Variants in ACER1 observed in about 807,000 individuals in gnomAD.
The protein encoded by ACER1 is CTB-180A7.3.
ACER1 carries 28 observed loss-of-function variants against 24.9 expected under a neutral mutation model. The observed-to-expected ratio is 1.13, with a 90% confidence interval of 0.83 to 1.54. ACER1 has a LOEUF of 1.54. ACER1 is among the 40% of genes most tolerant of loss of function. The pLI is 0.00. For synonymous variants in ACER1, 132 were observed against 131.4 expected (o/e 1.00, Z -0.03); for missense variants, 352 against 349.3 (o/e 1.01, Z -0.06).
At chr19:6,338,973 G>A in the ACER1 span, among the ~76,000 whole-genome samples, 3 of 151,672 alleles carry the variant, frequency 2.0e-5, no homozygotes, top group African/African-American at 4.8e-5. Context: ...CGCCTCCTGG[G>A]TTCAAATGAT....
Position 6,306,607 on chromosome 19 carries a change from G to C in ACER1, c.*107C>G. On this transcript the variant is annotated 3_prime_UTR_variant, in exon 6 of 6. Transcript: ENST00000301452. ...CAAGGAGGACACGGAAGGGGAAACA[G>C]AGGAAGGAACCACGAGTGTCCCGCA... The C allele has an allele frequency of 7.4e-7, 1 of 1,353,556 alleles. No individual in the cohort carries two copies. The highest frequency in any genetic ancestry group is 2.4e-5 in the Admixed American group (1 of 41,640). The allele number at this position is 1,353,556 out of a possible 1,614,324, so 83.8% of individuals were successfully genotyped here.
At chr19:6,336,819 C>CAAAAAAAA (rs57500077), upstream of ACER1, among the ~76,000 whole-genome samples, 1 of 67,762 alleles carries the variant, frequency 1.5e-5, no homozygotes. Context: ...GACCCCGACT[C>CAAAAAAAA]AAAAAAAAAA....
upstream of ACER1, among the ~76,000 whole-genome samples, chr19:6,334,052 GT>G (rs112838660): frequency 0.08 from 11,531 of 143,874 alleles, 573 homozygotes; most frequent in Middle Eastern, 0.14. Flanking sequence ...CTAGCTAATT[GT>G]TTTTTTTTTT....
intron 1 of ACER1, among the ~76,000 whole-genome samples, chr19:6,314,021 C>T (rs2091592700): frequency 6.6e-6 from 1 of 152,060 alleles, no homozygotes; most frequent in African/African-American, 2.4e-5. Flanking sequence ...AATCCCAGCA[C>T]TTTGGGAGGC....
intron 1 of ACER1, among the ~76,000 whole-genome samples, chr19:6,325,683 T>C (rs1233798247): frequency 6.6e-6 from 1 of 151,918 alleles, no homozygotes; most frequent in Admixed American, 6.6e-5. Context: ...GACCTTTACA[T>C]ATGCTATTCC....
the ACER1 span, among the ~76,000 whole-genome samples, chr19:6,356,634 A>G: frequency 1.3e-5 from 2 of 152,098 alleles, no homozygotes; most frequent in South Asian, 2.1e-4. Flanking sequence ...GCTTTTCTTC[A>G]TAATTTTACC....
chr19:6,327,214 T>G (rs1378161725), intron 1 of ACER1, among the ~76,000 whole-genome samples: 1 of 152,152 alleles, frequency 6.6e-6, no homozygotes, highest in East Asian at 1.9e-4. Context: ...GCAGATCGCC[T>G]GAGGTCAGGA....
At chr19:6,319,309 G>C (rs2091618943) in intron 1 of ACER1, among the ~76,000 whole-genome samples, 1 of 152,032 alleles carries the variant, frequency 6.6e-6, no homozygotes, top group Non-Finnish European at 1.5e-5. Flanking sequence ...TGGATGCCAG[G>C]GTCTCCCTCC....
chr19:6,332,407 A>G (rs2091692300), intron 1 of ACER1, among the ~76,000 whole-genome samples: 1 of 151,024 alleles, frequency 6.6e-6, no homozygotes, highest in African/African-American at 2.4e-5. Context: ...AGTAGCTGGA[A>G]CTACAAGCAC....
the ACER1 span, among the ~76,000 whole-genome samples, chr19:6,346,344 G>A: frequency 6.6e-6 from 1 of 151,802 alleles, no homozygotes. Flanking sequence ...TCATTAAGTG[G>A]CATTATGTCA....
chr19:6,347,400 T>C, the ACER1 span, among the ~76,000 whole-genome samples: 689 of 151,782 alleles, frequency 4.5e-3, 5 homozygotes, highest in African/African-American at 0.016. Context: ...CTGAATTTTT[T>C]GTAGAGATGA....
At chr19:6,342,182 G>C in the ACER1 span, among the ~76,000 whole-genome samples, 1 of 151,272 alleles carries the variant, frequency 6.6e-6, no homozygotes, top group African/African-American at 2.4e-5. Flanking sequence ...ATATAAAGTA[G>C]ATAATAGTAT....
chr19:6,323,866 G>A lies in ACER1; in HGVS notation c.93+9593C>T, dbSNP rs939158008. On this transcript the variant is annotated intron_variant, in intron 1 of 5. Transcript: ENST00000301452. ...GACCTGCCATTGTGTGTAGCTCAGA[G>A]AGGGGCAGGTCTCCTCCTGGGTCAC... Among the ~76,000 whole-genome samples, 31 of 151,862 alleles carry A rather than the reference G, an allele frequency of 2.0e-4. 1 individual carries two copies. Among genetic ancestry groups the A allele is most frequent in the Non-Finnish European group, 3.8e-4 (26 of 67,912 alleles).
At chr19:6,342,099 G>A in the ACER1 span, among the ~76,000 whole-genome samples, 1 of 152,080 alleles carries the variant, frequency 6.6e-6, no homozygotes, top group Non-Finnish European at 1.5e-5. Context: ...GTACAGATGG[G>A]GAAAATTTTA....
chr19:6,316,366 G>A (rs1321799279), intron 1 of ACER1, among the ~76,000 whole-genome samples: 1 of 152,152 alleles, frequency 6.6e-6, no homozygotes, highest in Non-Finnish European at 1.5e-5. Context: ...TTGAGCACAG[G>A]AGTTGGAGGC....
At chr19:6,352,897 T>A in the ACER1 span, among the ~76,000 whole-genome samples, 3 of 152,236 alleles carry the variant, frequency 2.0e-5, no homozygotes, top group Non-Finnish European at 4.4e-5. Context: ...AAGGTAACAG[T>A]GATGACAGCT....
upstream of ACER1, among the ~76,000 whole-genome samples, chr19:6,333,876 G>A (rs375688905): frequency 4.3e-4 from 66 of 152,216 alleles, no homozygotes; most frequent in African/African-American, 1.5e-3. Flanking sequence ...TATCTTTTAT[G>A]TATGTATGTA....
chr19:6,325,386 C>T (rs1405318874), intron 1 of ACER1, among the ~76,000 whole-genome samples: 1 of 152,234 alleles, frequency 6.6e-6, no homozygotes, highest in Admixed American at 6.5e-5. Flanking sequence ...GGTGCAGTGG[C>T]TCACGCCTGT....
chr19:6,359,587 G>A, the ACER1 span, among the ~76,000 whole-genome samples: 1 of 151,962 alleles, frequency 6.6e-6, no homozygotes, highest in African/African-American at 2.4e-5. Flanking sequence ...CAAAGTGCTG[G>A]GATTGCAGGC....
Sources: allele counts gnomAD v4.1 joint callset (sites outside exome capture counted in the v4.1 genomes callset), GRCh38; gene constraint gnomAD v4.1.1; transcripts MANE v1.5; gene names NCBI Gene and HGNC (gene_info 2026-07-23, HGNC 2026-07-21).